The following KIAA1614 variants were observed in gnomAD, a reference collection of about 807,000 sequenced individuals.
KIAA1614 encodes the protein KIAA1614, also known as uncharacterized protein KIAA1614.
KIAA1614 carries 76 observed loss-of-function variants against 88.7 expected under a neutral mutation model. The observed-to-expected ratio is 0.86, with a 90% CI of 0.71 to 1.04. The LOEUF (loss-of-function observed/expected upper bound fraction) is 1.04, where lower values mean the gene tolerates loss of function less well. Ranked by LOEUF, KIAA1614 falls within the 50% of genes least tolerant of loss-of-function variation. The probability of loss-of-function intolerance (pLI) is 0.00; values close to 1 mark genes in which losing one functional copy is unlikely to be tolerated. For missense variants in KIAA1614, 1,553 were observed against 1,582.5 expected (o/e 0.98, Z 0.32); for synonymous variants, 714 against 675.5 (o/e 1.06, Z -0.88).
chr1:180,944,058 A>G (rs4652538), intron 7 of KIAA1614: 156,982 of 157,670 alleles, frequency 1, 78,157 homozygotes, highest in Middle Eastern at 1. Context: ...CTCTAAAGTG[A>G]TATTTATTAC....
At chr1:180,914,969 T>C (rs369999766) in intron 1 of KIAA1614, among the ~76,000 whole-genome samples, 11 of 151,768 alleles carry the variant, frequency 7.2e-5, no homozygotes, top group African/African-American at 2.7e-4. Flanking sequence ...GCCTAGCCAA[T>C]TTTTTGTATT....
chr1:180,921,899 C>T (rs1283331307), intron 3 of KIAA1614, among the ~76,000 whole-genome samples: 3 of 152,226 alleles, frequency 2.0e-5, no homozygotes, highest in Non-Finnish European at 2.9e-5. Flanking sequence ...TGGCCCCTTC[C>T]CTTCCTTGAG....
chr1:180,945,142 T>G lies in KIAA1614; in HGVS notation c.3288-161T>G. 3.9e-6 allele frequency: 3 copies of G among 774,622 alleles called. No individual in the cohort carries two copies. The South Asian group carries it at 6.8e-5, about 17-fold the overall frequency. The allele number at this position is 774,622 out of a possible 1,614,324, so 48.0% of individuals were successfully genotyped here. On this transcript the variant is annotated intron_variant, in intron 8 of 8. Transcript: ENST00000367588. Reference sequence around the variant, plus strand: ...CACAGCGGCGGAAACCCACCAGTTTTGGCCCTAGCAGGCTCTTTTTGCTGG... The same window carrying G: ...CACAGCGGCGGAAACCCACCAGTTTGGGCCCTAGCAGGCTCTTTTTGCTGG...
intron 3 of KIAA1614, among the ~76,000 whole-genome samples, chr1:180,920,035 A>C (rs545027363): frequency 3.9e-5 from 6 of 152,136 alleles, no homozygotes; most frequent in African/African-American, 1.4e-4. Context: ...GTGGGGAAAC[A>C]CGCATTGTTT....
At position 180,935,374 on chromosome 1, in the gene KIAA1614, C is replaced by A; in HGVS notation, c.1465C>A (p.Arg489Ser). Reference protein sequence around the residue: ...VLQAADQGPLRSKPDLADYIN... With the variant: ...VLQAADQGPLSSKPDLADYIN... ...GCAGGCCGCGGACCAGGGCCCCCTGCGCTCCAAGCCCGACCTCGCCGACTA... is the reference window on the plus strand; with the variant it reads ...GCAGGCCGCGGACCAGGGCCCCCTGAGCTCCAAGCCCGACCTCGCCGACTA... Residue 489 changes from arginine to serine, a missense_variant, in exon 5 of 9, where the codon CGC becomes AGC. By Grantham distance (110) the Arg-to-Ser change is moderately radical (BLOSUM62 -1). Coordinates refer to ENST00000367588, the MANE Select transcript of KIAA1614 (RefSeq NM_020950.2). This position sits in a 1 kb window ranked among gnomAD's most constrained non-coding sequence, Gnocchi z 6.1. The A allele has an allele frequency of 6.8e-7, 1 of 1,462,364 alleles. No individual in the cohort carries two copies. The highest frequency in any genetic ancestry group is 9.0e-7 in the Non-Finnish European group (1 of 1,113,198). The allele number at this position is 1,462,364 out of a possible 1,614,324, so 90.6% of individuals were successfully genotyped here.
At chr1:180,931,765 C>T (rs1165774055) in intron 4 of KIAA1614, among the ~76,000 whole-genome samples, 2 of 152,208 alleles carry the variant, frequency 1.3e-5, no homozygotes, top group African/African-American at 4.8e-5. Context: ...GACCTGGGCT[C>T]CCTTGTTAGA....
chr1:180,930,105 G>C (rs1294198665), intron 4 of KIAA1614, among the ~76,000 whole-genome samples: 2 of 152,206 alleles, frequency 1.3e-5, no homozygotes, highest in Non-Finnish European at 2.9e-5. Context: ...TCTCTCTCTA[G>C]ATGGAGGGCA....
In KIAA1614 at chr1:180,944,374, T is replaced by C. The variant is rs1654534932; in HGVS notation, c.3160-15T>C. 6.2e-7 allele frequency: 1 copy of C among 1,611,044 alleles called. No homozygotes were observed. The highest frequency in any genetic ancestry group is 1.3e-5 in the African/African-American group (1 of 74,816). ...GTAGCTTTTCTCACCCGCAATATTG[T>C]CCCTTTCTCATCAGGTGTCACCCTC... On this transcript the variant is annotated splice_polypyrimidine_tract_variant and intron_variant, in intron 7 of 8. Transcript: ENST00000367588.
At chr1:180,931,373 A>C (rs1378377040) in intron 4 of KIAA1614, among the ~76,000 whole-genome samples, 1 of 152,150 alleles carries the variant, frequency 6.6e-6, no homozygotes, top group Non-Finnish European at 1.5e-5. Context: ...AATGCTATGG[A>C]AAGTGGGACT....
At position 180,945,836 on chromosome 1, in the gene KIAA1614, G is replaced by A; in HGVS notation, c.*248G>A. 1 of 1,268,642 alleles carries A rather than the reference G, an allele frequency of 7.9e-7. No individual in the cohort carries two copies. Among genetic ancestry groups the A allele is most frequent in the Non-Finnish European group, 9.9e-7 (1 of 1,010,396 alleles). The allele number at this position is 1,268,642 out of a possible 1,614,324, so 78.6% of individuals were successfully genotyped here. On this transcript the variant is annotated 3_prime_UTR_variant, in exon 9 of 9. Coordinates refer to ENST00000367588, the MANE Select transcript of KIAA1614 (RefSeq NM_020950.2). ...ATTAGAAGCTTAGGCCGGGCGCAGT[G>A]GCTCATGCCTGTAATCCCAGAACTT...
At chr1:180,941,734 G>T (rs111279320) in intron 7 of KIAA1614, among the ~76,000 whole-genome samples, 50 of 152,214 alleles carry the variant, frequency 3.3e-4, no homozygotes, top group African/African-American at 1.2e-3. Flanking sequence ...ATGCAAATCC[G>T]ACCACGCCAC....
In KIAA1614 at chr1:180,951,048, C is replaced by T. The variant is rs1215650706; in HGVS notation, c.*5460C>T. On this transcript the variant is annotated 3_prime_UTR_variant, in exon 9 of 9. Coordinates refer to ENST00000367588, the MANE Select transcript of KIAA1614 (RefSeq NM_020950.2). ...TGGGCAAAGTGTCCCGGAATACCAG[C>T]CTTACAGCCATTGACCATATATGCC... The T allele has an allele frequency of 1.3e-5, 2 of 152,358 alleles. No homozygotes were observed. Among genetic ancestry groups the T allele is most frequent in the East Asian group, 3.9e-4 (2 of 5,190 alleles). The allele number at this position is 152,358 out of a possible 1,614,324, so 9.4% of individuals were successfully genotyped here.
chr1:180,938,765 T>G, intron 6 of KIAA1614, 54 bp downstream of exon 6: 6 of 1,574,750 alleles, frequency 3.8e-6, no homozygotes, highest in Non-Finnish European at 4.3e-6. Flanking sequence ...ATGGGGGCTC[T>G]GGGAGGGGAC....
At chr1:180,918,395 A>G (rs993097045) in intron 3 of KIAA1614, among the ~76,000 whole-genome samples, 1 of 152,184 alleles carries the variant, frequency 6.6e-6, no homozygotes, top group Non-Finnish European at 1.5e-5. Flanking sequence ...TTACCATGCT[A>G]TCCCACGGCC....
At chr1:180,937,380 G>A (rs1654357084) in intron 5 of KIAA1614, among the ~76,000 whole-genome samples, 1 of 152,236 alleles carries the variant, frequency 6.6e-6, no homozygotes, top group Admixed American at 6.5e-5. Context: ...CCTGTTGGTG[G>A]ACCAGTAGGT....
chr1:180,940,362 G>A (rs182885940), intron 6 of KIAA1614, among the ~76,000 whole-genome samples: 135 of 152,272 alleles, frequency 8.9e-4, no homozygotes, highest in Middle Eastern at 3.4e-3. Flanking sequence ...GTAGCCGGGC[G>A]TGGTGGTGTG....
Position 180,945,303 on chromosome 1 carries a change from G to A in KIAA1614, c.3288G>A (p.Arg1096=). The change falls in exon 9 of 9, where the codon AGG becomes AGA. Residue 1096 remains arginine, a splice_region_variant and synonymous_variant. Coordinates refer to ENST00000367588, the MANE Select transcript of KIAA1614 (RefSeq NM_020950.2). Reference sequence around the variant, plus strand: ...CACTGTGTCTCTGGTTCCCTCGCAGGCCGGCCAAGACTTCACCACGGCGTG... The same window carrying A: ...CACTGTGTCTCTGGTTCCCTCGCAGACCGGCCAAGACTTCACCACGGCGTG... ...AGPGDHSAAG[R]PAKTSPRRAL... is the part of the protein sequence containing the mutation. The A allele has an allele frequency of 1.9e-6, 3 of 1,579,612 alleles. No homozygotes were observed. Among genetic ancestry groups the A allele is most frequent in the Non-Finnish European group, 2.6e-6 (3 of 1,170,694 alleles).
intron 3 of KIAA1614, among the ~76,000 whole-genome samples, chr1:180,926,607 C>T (rs1323865701): frequency 6.6e-6 from 1 of 152,256 alleles, no homozygotes; most frequent in African/African-American, 2.4e-5. Flanking sequence ...CCTGGGGGCC[C>T]TCCTGCCTGC....
chr1:180,913,237 C>T lies in KIAA1614; in HGVS notation c.-7C>T. ...AGGGGCTGGAGAGGGCCTGGCCTCTCCGAGGGATGGAGGGGACAGAGGCGG... is the reference window on the plus strand; with the variant it reads ...AGGGGCTGGAGAGGGCCTGGCCTCTTCGAGGGATGGAGGGGACAGAGGCGG... On this transcript the variant is annotated 5_prime_UTR_variant, in exon 1 of 9. Transcript: ENST00000367588. 1 of 1,263,540 alleles carries T rather than the reference C, an allele frequency of 7.9e-7. No homozygotes were observed. The allele number at this position is 1,263,540 out of a possible 1,614,324, so 78.3% of individuals were successfully genotyped here.
Sources: gnomAD v4.1 joint callset for allele counts (sites outside exome capture counted in the v4.1 genomes callset) on GRCh38, gnomAD v4.1.1 for gene constraint, Gnocchi (gnomAD v3.1) non-coding constraint, MANE v1.5 for transcripts, NCBI Gene and HGNC (gene_info 2026-07-23, HGNC 2026-07-21) for gene names.